Variants in PAXIP1 observed in about 807,000 individuals in gnomAD.
The protein encoded by PAXIP1 is PAX-interacting protein 1.
PAXIP1 carries 19 observed loss-of-function variants against 140.6 expected under a neutral mutation model. That is an observed-to-expected ratio of 0.14 (90% CI 0.09 to 0.20). The LOEUF (loss-of-function observed/expected upper bound fraction) is 0.20, where lower values mean the gene tolerates loss of function less well. PAXIP1 is among the 10% of genes least tolerant of loss of function. The pLI is 1.00. For missense variants in PAXIP1, 920 were observed against 1,208.6 expected (o/e 0.76, Z 3.54); for synonymous variants, 442 against 444.6 (o/e 0.99, Z 0.07).
intron 20 of PAXIP1, chr7:154,944,942 A>C (rs1264551657): frequency 6.6e-6 from 1 of 152,024 alleles, no homozygotes; most frequent in Non-Finnish European, 1.5e-5. Context: ...TTTATGGCTA[A>C]ACATGACATT....
At chr7:155,002,758 C>A (rs1215156780) in intron 1 of PAXIP1, 91 bp downstream of exon 1, 15 of 688,718 alleles carry the variant, frequency 2.2e-5, no homozygotes, top group Non-Finnish European at 2.9e-5. Context: ...GCCCGGCGCG[C>A]GCCCGCGGCA....
intron 6 of PAXIP1, chr7:154,974,239 T>C (rs556297831): frequency 4.6e-5 from 7 of 152,376 alleles, no homozygotes; most frequent in African/African-American, 1.7e-4. Context: ...CTCCCATTCA[T>C]TTTTTTCTGT....
At chr7:154,947,168 G>A (rs763465498) in intron 17 of PAXIP1, 4 of 182,792 alleles carry the variant, frequency 2.2e-5, no homozygotes, top group Non-Finnish European at 3.5e-5. Context: ...TATCTGCCCA[G>A]CAACAGCCTC....
chr7:154,969,055 T>C lies in PAXIP1; in HGVS notation c.1146A>G (p.Thr382=), dbSNP rs1384887005. ...QQVNHSQQGH[T]NANAVLFSQV... ...GGCTAAACAGCACTGCATTGGCATT[T>C]GTATGTCCCTGCTGGCTGTGATTCA... The change falls in exon 7 of 21, where the codon ACA becomes ACG. Residue 382 remains threonine (T), a synonymous_variant. Coordinates refer to ENST00000404141, the MANE Select transcript of PAXIP1 (RefSeq NM_007349.4). 2 of 1,531,760 alleles carry C rather than the reference T, an allele frequency of 1.3e-6. No individual in the cohort carries two copies. 94.9% of individuals were successfully genotyped at this position (1,531,760 alleles called of 1,614,324 possible).
intron 16 of PAXIP1, chr7:154,952,086 T>C (rs1808294086): frequency 6.6e-6 from 1 of 152,284 alleles, no homozygotes; most frequent in Admixed American, 6.5e-5. Context: ...TTGTTTCTAC[T>C]ATGTTCTTCT....
upstream of PAXIP1, chr7:155,003,217 G>C (rs114076169): frequency 0.033 from 5,013 of 149,784 alleles, 217 homozygotes; most frequent in East Asian, 0.17. Flanking sequence ...GTGACGCCCC[G>C]CGCCTCTGCC....
At chr7:154,976,899 A>G (rs779330020) in intron 5 of PAXIP1, among the ~76,000 whole-genome samples, 12 of 152,232 alleles carry the variant, frequency 7.9e-5, no homozygotes, top group Non-Finnish European at 1.2e-4. Context: ...CTCTGACCTA[A>G]CAAGGCTCAC....
At chr7:154,983,138 A>C (rs1809918089) in intron 5 of PAXIP1, 81 bp downstream of exon 5, 1 of 672,332 alleles carries the variant, frequency 1.5e-6, no homozygotes, top group Non-Finnish European at 2.5e-6. Flanking sequence ...TAACTAATTT[A>C]AAAGAAGCTC....
chr7:154,976,774 ATGGCTGACT>A (rs1298011641), intron 5 of PAXIP1, among the ~76,000 whole-genome samples: 8 of 152,218 alleles, frequency 5.3e-5, no homozygotes, highest in Non-Finnish European at 1.0e-4. Context: ...CTCATGGAGC[ATGGCTGACT>A]TGGCTGACTT....
At chr7:154,992,856 C>T (rs1810410295) in intron 3 of PAXIP1, among the ~76,000 whole-genome samples, 1 of 152,176 alleles carries the variant, frequency 6.6e-6, no homozygotes, top group South Asian at 2.1e-4. Flanking sequence ...AATGTTTTCC[C>T]TATTTCTCTA....
At chr7:154,976,746 G>A (rs767763425) in intron 5 of PAXIP1, among the ~76,000 whole-genome samples, 10 of 152,106 alleles carry the variant, frequency 6.6e-5, no homozygotes, top group Non-Finnish European at 1.2e-4. Flanking sequence ...GCAGAGTGCC[G>A]CCAATGCATC....
At position 155,002,934 on chromosome 7, in the gene PAXIP1, G is replaced by C. The variant is rs1458670321; in HGVS notation, c.-5C>G. On this transcript the variant is annotated 5_prime_UTR_variant, in exon 1 of 21. Coordinates refer to ENST00000404141, the MANE Select transcript of PAXIP1 (RefSeq NM_007349.4). ...TTTGGGCGCCTGGTCCGACATGATC[G>C]CGGCGGCCCGGGAGGCTCCGCGGCG... The C allele has an allele frequency of 2.8e-5, 37 of 1,298,954 alleles. No individual in the cohort carries two copies. Among genetic ancestry groups the C allele is most frequent in the Non-Finnish European group, 3.5e-5 (35 of 998,132 alleles). 80.5% of individuals were successfully genotyped at this position (1,298,954 alleles called of 1,614,324 possible).
At chr7:154,969,472 C>T (rs550706812) in intron 6 of PAXIP1, among the ~76,000 whole-genome samples, 3 of 152,248 alleles carry the variant, frequency 2.0e-5, no homozygotes, top group African/African-American at 7.2e-5. Context: ...AGCCTTGGTG[C>T]TCCCTGCACC....
chr7:154,955,206 G>C (rs1261207724), intron 15 of PAXIP1, among the ~76,000 whole-genome samples: 5 of 152,206 alleles, frequency 3.3e-5, no homozygotes, highest in Non-Finnish European at 2.9e-5. Flanking sequence ...TGAAAAGACA[G>C]TTTTCCTTCA....
At chr7:154,967,782 GAC>G (rs2150756378) in intron 8 of PAXIP1, 32 bp downstream of exon 8, 1 of 1,445,504 alleles carries the variant, frequency 6.9e-7, no homozygotes, top group East Asian at 2.3e-5. Context: ...AGCATCTTCA[GAC>G]ACAGTCATCC....
chr7:154,967,711 C>T (rs924069134), intron 8 of PAXIP1, 105 bp downstream of exon 8: 7 of 722,990 alleles, frequency 9.7e-6, no homozygotes, highest in Admixed American at 2.6e-5. Context: ...ATTCAGAACA[C>T]GTGCAGGTGC....
intron 2 of PAXIP1, among the ~76,000 whole-genome samples, chr7:154,995,231 G>A (rs562731951): frequency 6.6e-6 from 1 of 152,308 alleles, no homozygotes; most frequent in South Asian, 2.1e-4. Flanking sequence ...TAAAGTGGGA[G>A]GGGCCACTGT....
At chr7:154,952,155 T>C (rs1380831939) in intron 16 of PAXIP1, 1 of 152,248 alleles carries the variant, frequency 6.6e-6, no homozygotes, top group Non-Finnish European at 1.5e-5. Flanking sequence ...CAAAAAATTT[T>C]CAAAATTTCA....
Position 154,946,442 on chromosome 7 carries a change from CA to C in PAXIP1, c.3134-18del, listed in dbSNP as rs1404591520. On this transcript the variant is annotated intron_variant, in intron 19 of 20. Transcript: ENST00000404141. This position sits in a 1 kb window ranked among gnomAD's most constrained non-coding sequence, Gnocchi z 4.9. Reference sequence around the variant, plus strand: ...TGTGAACATCTGAACAGGGTGGAAACAGACACTTTAGTTAGAGATCCACTGC... The same window carrying C: ...TGTGAACATCTGAACAGGGTGGAAACGACACTTTAGTTAGAGATCCACTGC... 1.2e-6 allele frequency: 2 copies of C among 1,612,808 alleles called. No homozygotes were observed. Among genetic ancestry groups the C allele is most frequent in the Non-Finnish European group, 1.7e-6 (2 of 1,178,800 alleles).
Sources: allele counts gnomAD v4.1 joint callset (sites outside exome capture counted in the v4.1 genomes callset), GRCh38; gene constraint gnomAD v4.1.1; non-coding constraint Gnocchi (gnomAD v3.1); transcripts MANE v1.5; gene names NCBI Gene and HGNC (gene_info 2026-07-23, HGNC 2026-07-21).